JAG2: variants seen among roughly 807,000 people sequenced by gnomAD.
JAG2 encodes the protein protein jagged-2.
A neutral mutation model predicts 141.7 loss-of-function variants in JAG2; 46 were observed. That is an observed-to-expected ratio of 0.32 (90% CI 0.26 to 0.42). The LOEUF (loss-of-function observed/expected upper bound fraction) is 0.42. Ranked by LOEUF, JAG2 falls within the 10% of genes least tolerant of loss-of-function variation. JAG2 has a pLI of 1.00. For synonymous variants in JAG2, 862 were observed against 763.5 expected (o/e 1.13, Z -2.13); for missense variants, 1,500 against 1,817.5 (o/e 0.83, Z 3.18).
intron 2 of JAG2, among the ~76,000 whole-genome samples, chr14:105,161,332 G>C (rs939434410): frequency 1.3e-5 from 2 of 152,142 alleles, no homozygotes; most frequent in Non-Finnish European, 2.9e-5. Context: ...CAGAGGATGG[G>C]GCCAGCATGG....
At chr14:105,158,823 C>T (rs1022884850) in intron 2 of JAG2, among the ~76,000 whole-genome samples, 3 of 152,178 alleles carry the variant, frequency 2.0e-5, no homozygotes, top group East Asian at 3.9e-4. Flanking sequence ...GGGGATGCTG[C>T]GTTGGGCAGT....
At chr14:105,146,780 C>G in intron 20 of JAG2, 56 bp from the exon 21 acceptor site, 1 of 1,392,058 alleles carries the variant, frequency 7.2e-7, no homozygotes, top group Non-Finnish European at 1.0e-6. Flanking sequence ...ACCGCAGGAC[C>G]GGCATGGCCT....
chr14:105,148,283 T>C (rs1308759693), intron 16 of JAG2, 43 bp downstream of exon 16: 1 of 1,583,586 alleles, frequency 6.3e-7, no homozygotes, highest in East Asian at 2.3e-5. Flanking sequence ...AGGGCCAGGG[T>C]CCTGGGGGCA....
chr14:105,151,225 A>AGCCCCAGCT, intron 9 of JAG2, 58 bp downstream of exon 9: 1 of 1,527,056 alleles, frequency 6.5e-7, no homozygotes, highest in Non-Finnish European at 8.9e-7. Context: ...CAGCCCCAGC[A>AGCCCCAGCT]GCCCCCGCAG....
At chr14:105,164,929 G>A (rs587717660) in intron 2 of JAG2, among the ~76,000 whole-genome samples, 1 of 152,288 alleles carries the variant, frequency 6.6e-6, no homozygotes, top group East Asian at 1.9e-4. Context: ...GTCAGCCCCA[G>A]GCCCACCTCC....
At chr14:105,148,009 T>G (rs184345802) in intron 17 of JAG2, 107 bp downstream of exon 17, 88 of 1,081,240 alleles carry the variant, frequency 8.1e-5, no homozygotes, top group South Asian at 1.6e-4. Flanking sequence ...AGGGGGCAGG[T>G]GGCAGGTGTG....
rs1330630823 is a variant in JAG2, at chr14:105,151,784, A to G, written c.1040-45T>C. 4 of 1,599,466 alleles carry G rather than the reference A, an allele frequency of 2.5e-6. No homozygotes were observed. The South Asian group carries it at 4.4e-5, about 18-fold the overall frequency. ...GGGCAGAGCTGGCAGCCAGGCCCCC[A>G]GCTTTCCACAAGCACTCCTCCCCAA... On this transcript the variant is annotated intron_variant, in intron 7 of 25. Transcript: ENST00000331782.
At chr14:105,158,507 G>A (rs1244098693) in intron 2 of JAG2, among the ~76,000 whole-genome samples, 6 of 152,102 alleles carry the variant, frequency 3.9e-5, no homozygotes, top group Admixed American at 2.0e-4. Context: ...CAGCCATGGC[G>A]ACAGGCGATG....
In JAG2 at chr14:105,151,922, C is replaced by T; in HGVS notation, c.1039+16G>A. On this transcript the variant is annotated intron_variant, in intron 7 of 25. Transcript: ENST00000331782. ...CCCTGCCTGGCCAGAATTTGGGTGG[C>T]CAGCCCCCCACGTACCCTTCTCACA... 6.2e-7 allele frequency: 1 copy of T among 1,612,642 alleles called. No homozygotes were observed. Among genetic ancestry groups the T allele is most frequent in the Non-Finnish European group, 8.5e-7 (1 of 1,179,982 alleles).
rs587758762 is a variant in JAG2 at position 105,142,643 on chromosome 14, C to T, written c.*52G>A. The T allele has an allele frequency of 2.1e-5, 29 of 1,410,004 alleles. No individual in the cohort carries two copies. The highest frequency in any genetic ancestry group is 8.1e-5 in the Admixed American group (4 of 49,444). The allele number at this position is 1,410,004 out of a possible 1,614,324, so 87.3% of individuals were successfully genotyped here. ...GGCCTCGGCCTCCGGGTCCGGCAGA[C>T]GGCATGGCTCCCACCGAGGGCCCTG... On this transcript the variant is annotated 3_prime_UTR_variant, in exon 26 of 26. Transcript: ENST00000331782.
At chr14:105,157,105 G>C (rs1046642769) in intron 3 of JAG2, among the ~76,000 whole-genome samples, 2 of 152,040 alleles carry the variant, frequency 1.3e-5, no homozygotes, top group Non-Finnish European at 2.9e-5. Context: ...GCTCCTCCTC[G>C]GTCTGTGTCC....
At position 105,167,275 on chromosome 14, in the gene JAG2, G is replaced by A. The variant is rs1329327399; in HGVS notation, c.417+482C>T. Among the ~76,000 whole-genome samples the A allele has an allele frequency of 6.6e-6, 1 of 152,182 alleles. No homozygotes were observed. The highest frequency in any genetic ancestry group is 1.5e-5 in the Non-Finnish European group (1 of 68,018). ...TAAGCGTTAGGCGTTAGGCTCTCCC[G>A]GGCCTAGGTCCCACGGCGCCCGCCC... On this transcript the variant is annotated intron_variant, in intron 2 of 25. Coordinates refer to ENST00000331782, the MANE Select transcript of JAG2 (RefSeq NM_002226.5). The surrounding 1 kb of genome is among the most constrained non-coding windows in gnomAD (Gnocchi z 4.8).
At position 105,145,975 on chromosome 14, in the gene JAG2, T is replaced by TGGGCAGGCACGCACAGGAG; in HGVS notation, c.2710-21_2710-3dup. The TGGGCAGGCACGCACAGGAG allele has an allele frequency of 6.3e-7, 1 of 1,592,562 alleles. No individual in the cohort carries two copies. Among genetic ancestry groups the TGGGCAGGCACGCACAGGAG allele is most frequent in the African/African-American group, 1.3e-5 (1 of 74,594 alleles). ...ACAAGGCTTCCATCCGCACCACACC[T>TGGGCAGGCACGCACAGGAG]GGGCAGGCACGCACAGGAGGGTCAG... On this transcript the variant is annotated splice_region_variant and splice_polypyrimidine_tract_variant and intron_variant, in intron 22 of 25. Transcript: ENST00000331782.
At chr14:105,145,648 C>A in intron 23 of JAG2, 83 bp downstream of exon 23, 1 of 1,519,546 alleles carries the variant, frequency 6.6e-7, no homozygotes, top group Non-Finnish European at 8.9e-7. Flanking sequence ...GCCTCCCTGC[C>A]CTGCGGGGCT....
At chr14:105,159,272 C>T (rs945461151) in intron 2 of JAG2, among the ~76,000 whole-genome samples, 3 of 152,056 alleles carry the variant, frequency 2.0e-5, no homozygotes, top group African/African-American at 7.3e-5. Context: ...CCGGGGACGG[C>T]CCGAGGAGGC....
rs77424813 is a variant in JAG2 at position 105,142,421 on chromosome 14, C to A, written c.*274G>T. 5.7e-3 allele frequency: 2,616 copies of A among 462,084 alleles called. 75 individuals are homozygous for A. Among genetic ancestry groups the A allele is most frequent in the African/African-American group, 0.049 (2,427 of 49,768 alleles). The allele number at this position is 462,084 out of a possible 1,614,324, so 28.6% of individuals were successfully genotyped here. A position where few individuals can be genotyped will look rare whatever the true frequency, so the allele number is the denominator to read the frequency against. ...CTACGATTTGGTGACGACGCAGACA[C>A]CCTTTGCTCTCTCCTTTCATACAGC... On this transcript the variant is annotated 3_prime_UTR_variant, in exon 26 of 26. Transcript: ENST00000331782.
At chr14:105,151,194 C>T in intron 9 of JAG2, 89 bp downstream of exon 9, 1 of 1,470,902 alleles carries the variant, frequency 6.8e-7, no homozygotes, top group East Asian at 2.4e-5. Context: ...CCAGCAGCCC[C>T]AGCAGCCCCA....
At chr14:105,144,498 C>A (rs946873832) in intron 24 of JAG2, among the ~76,000 whole-genome samples, 1 of 152,196 alleles carries the variant, frequency 6.6e-6, no homozygotes, top group African/African-American at 2.4e-5. Flanking sequence ...ATTCCCTCCC[C>A]TCTCCGGGCA....
In JAG2 at chr14:105,142,846, T is replaced by G; in HGVS notation, c.3566A>C (p.Asp1189Ala). The G allele has an allele frequency of 6.2e-7, 1 of 1,609,496 alleles. No homozygotes were observed. The highest frequency in any genetic ancestry group is 1.1e-5 in the South Asian group (1 of 90,420). Residue 1189 changes from aspartate (D) to alanine (A), a missense_variant, in exon 26 of 26, where the codon GAC becomes GCC. By Grantham distance (126) the Asp-to-Ala change is moderately radical. Transcript: ENST00000331782. ...GAGGAACTTCTCCGCCTCCAGGGAG[T>G]CCTCCTCACCGCGGCCCAGATCCTC... is the stretch of plus-strand genomic sequence containing the variant. ...EDEDLGRGEE[D>A]SLEAEKFLSH...
Sources: allele counts gnomAD v4.1 joint callset (sites outside exome capture counted in the v4.1 genomes callset), GRCh38; gene constraint gnomAD v4.1.1; non-coding constraint Gnocchi (gnomAD v3.1); transcripts MANE v1.5; gene names NCBI Gene and HGNC (gene_info 2026-07-23, HGNC 2026-07-21).